The following MERTK variants were observed in gnomAD, a reference collection of about 807,000 sequenced individuals.
MERTK encodes the protein tyrosine-protein kinase Mer.
Under a neutral mutation model 99.3 loss-of-function variants are expected in MERTK, and 69 were observed. The observed-to-expected ratio is 0.70, with a 90% CI of 0.57 to 0.85. MERTK has a LOEUF of 0.85. Ranked by LOEUF, MERTK falls within the 40% of genes least tolerant of loss-of-function variation. MERTK has a pLI of 0.00. For synonymous variants in MERTK, 426 were observed against 467.6 expected, an observed-to-expected ratio of 0.91 and a Z score of 1.15; for missense variants, 1,125 against 1,249.4, an observed-to-expected ratio of 0.90 and a Z score of 1.50.
chr2:111,980,658 C>G (rs993284563), intron 7 of MERTK, among the ~76,000 whole-genome samples: 2 of 151,978 alleles, frequency 1.3e-5, no homozygotes, highest in Non-Finnish European at 2.9e-5. Context: ...GACCTCGTGA[C>G]CCACCCGCCT....
chr2:111,965,300 C>T, intron 5 of MERTK, 23 bp downstream of exon 5: 6 of 1,611,442 alleles, frequency 3.7e-6, no homozygotes, highest in Non-Finnish European at 5.1e-6. Flanking sequence ...GCTAGGCTCC[C>T]CATGCATGTT....
rs778974046 is a variant in MERTK, at chr2:111,984,543, C to A, written c.1296+1550C>A. 8.6e-5 allele frequency among the ~76,000 whole-genome samples: 13 copies of A among 152,036 alleles called. 1 individual carries two copies. The highest frequency in any genetic ancestry group is 8.5e-4 in the Admixed American group (13 of 15,256). ...CTGGAACATAACGCTTTTGTGAGAG[C>A]GAGGTGTGAGATGAAGCTGGATTGA... On this transcript the variant is annotated intron_variant, in intron 8 of 18. Coordinates refer to ENST00000295408, the MANE Select transcript of MERTK (RefSeq NM_006343.3).
intron 1 of MERTK, among the ~76,000 whole-genome samples, chr2:111,916,518 G>C (rs927448767): frequency 6.6e-6 from 1 of 151,516 alleles, no homozygotes; most frequent in East Asian, 1.9e-4. Context: ...TAAATTTTTG[G>C]TTATTGTATT....
intron 8 of MERTK, among the ~76,000 whole-genome samples, chr2:111,993,199 T>A (rs1203374519): frequency 1.3e-5 from 2 of 152,172 alleles, no homozygotes; most frequent in Non-Finnish European, 2.9e-5. Flanking sequence ...TGGGCCATGA[T>A]GTCCACTGCC....
intron 9 of MERTK, 128 bp downstream of exon 9, chr2:111,994,532 A>G: frequency 7.5e-7 from 1 of 1,341,684 alleles, no homozygotes; most frequent in Non-Finnish European, 1.1e-6. Flanking sequence ...TTATCTCAAC[A>G]CTTCAGGAGG....
intron 1 of MERTK, among the ~76,000 whole-genome samples, chr2:111,903,697 G>A (rs1246750827): frequency 6.6e-6 from 1 of 152,218 alleles, no homozygotes; most frequent in African/African-American, 2.4e-5. Flanking sequence ...TCTGGGGACT[G>A]GAATGAAAGT....
chr2:111,946,378 T>G (rs1181959968), intron 3 of MERTK, among the ~76,000 whole-genome samples: 2 of 152,218 alleles, frequency 1.3e-5, no homozygotes, highest in African/African-American at 4.8e-5. Context: ...TTCACATAAC[T>G]GCCACGTCAT....
Position 112,029,370 on chromosome 2 carries a change from A to G in MERTK, c.*506A>G. 1 of 938,432 alleles carries G rather than the reference A, an allele frequency of 1.1e-6. No individual in the cohort carries two copies. The highest frequency in any genetic ancestry group is 4.9e-5 in the South Asian group (1 of 20,610). The allele number at this position is 938,432 out of a possible 1,614,324, so 58.1% of individuals were successfully genotyped here. A position where few individuals can be genotyped will look rare whatever the true frequency, so the allele number is the denominator to read the frequency against. ...CCTAATAAAATATGAATAAGGAAGG[A>G]TATGTTGAACTTACTTGAGACTTGA... On this transcript the variant is annotated 3_prime_UTR_variant, in exon 19 of 19. Transcript: ENST00000295408.
chr2:111,985,652 C>G (rs915740155), intron 8 of MERTK, among the ~76,000 whole-genome samples: 1 of 152,096 alleles, frequency 6.6e-6, no homozygotes, highest in Admixed American at 6.5e-5. Context: ...AGAGAAGGAG[C>G]AAAGGCACGT....
At chr2:111,937,759 A>C (rs1684789498) in intron 2 of MERTK, among the ~76,000 whole-genome samples, 1 of 152,038 alleles carries the variant, frequency 6.6e-6, no homozygotes. Context: ...ATACTTTCTG[A>C]CTTGCGACCT....
intron 9 of MERTK, 105 bp downstream of exon 9, chr2:111,994,509 A>C (rs781185680): frequency 1.3e-6 from 2 of 1,513,662 alleles, no homozygotes; most frequent in Non-Finnish European, 1.8e-6. Flanking sequence ...AAGAATGAAA[A>C]ATAAGGCTGG....
chr2:111,939,622 A>G (rs1684824169), intron 2 of MERTK, among the ~76,000 whole-genome samples: 2 of 149,528 alleles, frequency 1.3e-5, no homozygotes, highest in Non-Finnish European at 3.0e-5. Context: ...CTGGGGCTAC[A>G]GGCATGTGCC....
In MERTK at chr2:111,898,608, C is replaced by T. The variant is rs1375856782; in HGVS notation, c.-128C>T. 43 of 1,134,390 alleles carry T rather than the reference C, an allele frequency of 3.8e-5. 1 individual carries two copies. Among genetic ancestry groups the T allele is most frequent in the Non-Finnish European group, 5.5e-5 (43 of 777,408 alleles). 70.3% of individuals were successfully genotyped at this position (1,134,390 alleles called of 1,614,324 possible). On this transcript the variant is annotated 5_prime_UTR_variant, in exon 1 of 19. Coordinates refer to ENST00000295408, the MANE Select transcript of MERTK (RefSeq NM_006343.3). ...TCCCGCCGGCCGCTTGGCTCCGCCA[C>T]TCGGCACTCACTGCCCGGGCCGCCC...
chr2:112,009,903 A>G (rs369644988), intron 14 of MERTK, 45 bp from the exon 15 acceptor site: 2 of 1,436,958 alleles, frequency 1.4e-6, no homozygotes, highest in Non-Finnish European at 2.0e-6. Flanking sequence ...TTCTGGTCAC[A>G]GTAACAAGGA....
rs1356706314 is a variant in MERTK at position 111,940,397 on chromosome 2, G to C, written c.483-4563G>C. ...GCTTCATTAATTTTTGTCTGTAGCT[G>C]TCTGAGCTCTTCTGTATACAGCAGT... On this transcript the variant is annotated intron_variant, in intron 2 of 18. Transcript: ENST00000295408. The C allele has an allele frequency of 7.5e-6, 4 of 533,164 alleles. No homozygotes were observed. The Admixed American group carries it at 8.0e-5, about 11-fold the overall frequency. 33.0% of individuals were successfully genotyped at this position (533,164 alleles called of 1,614,324 possible). A position where few individuals can be genotyped will look rare whatever the true frequency, so the allele number is the denominator to read the frequency against.
At chr2:111,988,690 A>G (rs1040022405) in intron 8 of MERTK, among the ~76,000 whole-genome samples, 5 of 152,230 alleles carry the variant, frequency 3.3e-5, no homozygotes, top group African/African-American at 1.2e-4. Flanking sequence ...TCACGCCTAT[A>G]ATCTCAGCAC....
chr2:112,002,561 T>C (rs1002895949), intron 11 of MERTK, among the ~76,000 whole-genome samples: 10 of 152,252 alleles, frequency 6.6e-5, no homozygotes, highest in African/African-American at 2.4e-4. Flanking sequence ...AATGTGGTTC[T>C]GATTTTTGTA....
chr2:111,916,685 T>A (rs1410390836), intron 1 of MERTK, among the ~76,000 whole-genome samples: 1 of 152,228 alleles, frequency 6.6e-6, no homozygotes, highest in Admixed American at 6.5e-5. Context: ...TTTAAAAGAT[T>A]TTTCAGAAGA....
Position 111,929,108 on chromosome 2 carries a change from T to C in MERTK, c.62-12T>C, listed in dbSNP as rs374155624. ...ATTTAAAAGGCTAAAATTTGGATGTTCTGTTTTACAGCTATCACTGAGGCA... is the reference window on the plus strand; with the variant it reads ...ATTTAAAAGGCTAAAATTTGGATGTCCTGTTTTACAGCTATCACTGAGGCA... On this transcript the variant is annotated splice_polypyrimidine_tract_variant and intron_variant, in intron 1 of 18. Coordinates refer to ENST00000295408, the MANE Select transcript of MERTK (RefSeq NM_006343.3). 1.2e-6 allele frequency: 2 copies of C among 1,614,072 alleles called. No individual in the cohort carries two copies. The highest frequency in any genetic ancestry group is 2.7e-5 in the African/African-American group (2 of 74,934).
Sources: gnomAD v4.1 joint callset for allele counts (sites outside exome capture counted in the v4.1 genomes callset) on GRCh38, gnomAD v4.1.1 for gene constraint, MANE v1.5 for transcripts, NCBI Gene and HGNC (gene_info 2026-07-23, HGNC 2026-07-21) for gene names.